Variants in HMCN1 observed in about 807,000 individuals in gnomAD.
HMCN1 encodes the protein hemicentin-1.
In HMCN1, 321 loss-of-function variants were observed where a neutral mutation model predicts 625.9. The ratio of observed to expected loss-of-function variants is 0.51; its 90% confidence interval spans 0.47 to 0.56. HMCN1 has a LOEUF of 0.56. Among genes scored for constraint, HMCN1 ranks in the 20% least tolerant of loss-of-function variants. HMCN1 has a pLI of 0.00. For missense variants in HMCN1, 6,588 were observed against 6,887.3 expected (o/e 0.96, Z 1.54); for synonymous variants, 2,425 against 2,417.6 (o/e 1.00, Z -0.09).
At chr1:185,744,209 T>G (rs1654226378) in intron 1 of HMCN1, among the ~76,000 whole-genome samples, 1 of 151,846 alleles carries the variant, frequency 6.6e-6, no homozygotes, top group African/African-American at 2.4e-5. Context: ...TTCGCCAGGA[T>G]GGTCTCAATC....
At chr1:185,852,947 T>C (rs1662251953) in intron 2 of HMCN1, among the ~76,000 whole-genome samples, 1 of 152,092 alleles carries the variant, frequency 6.6e-6, no homozygotes, top group Non-Finnish European at 1.5e-5. Context: ...AGCTTTTTGA[T>C]ATTAGGTAAC....
Position 185,993,316 on chromosome 1 carries a change from CT to C in HMCN1, c.3505+9del. ...GTCAAATTAAATGTCCATGGTGAGT[CT>C]TGAAATGAGAACATATGACAACCCT... On this transcript the variant is annotated splice_region_variant and intron_variant, in intron 23 of 106. Coordinates refer to ENST00000271588, the MANE Select transcript of HMCN1 (RefSeq NM_031935.3). 6.2e-7 allele frequency: 1 copy of C among 1,612,226 alleles called. No homozygotes were observed. The highest frequency in any genetic ancestry group is 8.5e-7 in the Non-Finnish European group (1 of 1,178,678).
At chr1:185,967,036 C>T (rs898933536) in intron 14 of HMCN1, among the ~76,000 whole-genome samples, 3 of 152,034 alleles carry the variant, frequency 2.0e-5, no homozygotes, top group Admixed American at 6.6e-5. Flanking sequence ...ACTAATTTTA[C>T]TTTCTTAAAA....
At chr1:185,783,166 G>A (rs552570963) in intron 1 of HMCN1, among the ~76,000 whole-genome samples, 4 of 152,076 alleles carry the variant, frequency 2.6e-5, no homozygotes, top group Non-Finnish European at 4.4e-5. Context: ...CATTCGTCAC[G>A]TAGTTCTTGT....
At chr1:185,843,413 T>A (rs1348213394) in intron 1 of HMCN1, among the ~76,000 whole-genome samples, 3 of 152,164 alleles carry the variant, frequency 2.0e-5, no homozygotes, top group Non-Finnish European at 2.9e-5. Flanking sequence ...TGGATTACCT[T>A]TGAGAGTTCC....
At chr1:186,178,836 T>C (rs1270528777) in intron 104 of HMCN1, 70 bp downstream of exon 104, 1 of 1,043,402 alleles carries the variant, frequency 9.6e-7, no homozygotes. Context: ...GTACAGCACC[T>C]GTGATTGTTT....
intron 87 of HMCN1, 102 bp from the exon 88 acceptor site, chr1:186,137,394 CAA>C (rs1233536363): frequency 7.8e-7 from 1 of 1,283,136 alleles, no homozygotes; most frequent in Non-Finnish European, 1.1e-6. Context: ...TATTTCTCAG[CAA>C]CTATATATTT....
intron 11 of HMCN1, among the ~76,000 whole-genome samples, chr1:185,940,629 G>A (rs574305257): frequency 6.6e-6 from 1 of 152,164 alleles, no homozygotes. Flanking sequence ...TCATGATTGG[G>A]GCAGAACTTA....
chr1:186,026,718 G>A (rs1253369876), intron 36 of HMCN1, among the ~76,000 whole-genome samples: 5 of 151,834 alleles, frequency 3.3e-5, no homozygotes, highest in Admixed American at 2.0e-4. Flanking sequence ...ATTACAGCCC[G>A]GATCTCCCTA....
intron 9 of HMCN1, among the ~76,000 whole-genome samples, chr1:185,927,885 T>G (rs1667355315): frequency 6.6e-6 from 1 of 152,150 alleles, no homozygotes; most frequent in Admixed American, 6.6e-5. Context: ...ACTAAGATAC[T>G]TCCGGAAAAT....
At chr1:185,858,590 T>G (rs1182767452) in intron 2 of HMCN1, among the ~76,000 whole-genome samples, 1 of 41,308 alleles carries the variant, frequency 2.4e-5, no homozygotes, top group African/African-American at 1.2e-4. Flanking sequence ...CAGCTAATTT[T>G]TTTTTTTTTT....
At chr1:186,084,185 G>T (rs1412914993) in intron 57 of HMCN1, among the ~76,000 whole-genome samples, 1 of 152,062 alleles carries the variant, frequency 6.6e-6, no homozygotes, top group Non-Finnish European at 1.5e-5. Flanking sequence ...TTTATTGTAA[G>T]TGCTCTAGAC....
chr1:186,087,917 A>G lies in HMCN1; in HGVS notation c.9364-15A>G. On this transcript the variant is annotated splice_polypyrimidine_tract_variant and intron_variant, in intron 60 of 106. Coordinates refer to ENST00000271588, the MANE Select transcript of HMCN1 (RefSeq NM_031935.3). ...AACTTAATGGAGCACATACAATAGT[A>G]TCTTTTTCTTTTAGGTATCTGACAC... The G allele has an allele frequency of 6.2e-7, 1 of 1,600,926 alleles. No homozygotes were observed. Among genetic ancestry groups the G allele is most frequent in the Non-Finnish European group, 8.6e-7 (1 of 1,168,352 alleles).
At chr1:186,015,462 T>C in intron 31 of HMCN1, 25 bp downstream of exon 31, 1 of 1,604,798 alleles carries the variant, frequency 6.2e-7, no homozygotes, top group Non-Finnish European at 8.5e-7. Flanking sequence ...ATGCTTTAAT[T>C]ATATACCTTT....
Position 185,918,694 on chromosome 1 carries a change from C to T in HMCN1, c.901-3685C>T, listed in dbSNP as rs74134209. Among the ~76,000 whole-genome samples the T allele has an allele frequency of 7.7e-3, 1,166 of 152,302 alleles. 9 individuals are homozygous for T. The highest frequency in any genetic ancestry group is 0.025 in the African/African-American group (1,049 of 41,564). On this transcript the variant is annotated intron_variant, in intron 6 of 106. Coordinates refer to ENST00000271588, the MANE Select transcript of HMCN1 (RefSeq NM_031935.3). ...TGTATTCCTGACTCAGACCCCTTCA[C>T]AACTTAATGAACGTGATACTACTCA...
At position 186,119,226 on chromosome 1, in the gene HMCN1, G is replaced by T. The variant is rs371395993; in HGVS notation, c.11884G>T (p.Ala3962Ser). Reference protein sequence around the residue: ...IEILATQLNHAGRYTCVARNA... With the variant: ...IEILATQLNHSGRYTCVARNA... ...AATACTTGCCACCCAATTAAACCAT[G>T]CTGGAAGATACACTTGTGTCGCTAG... The change falls in exon 78 of 107, where the codon GCT (alanine) becomes TCT (serine). Residue 3962 changes from alanine to serine, a missense_variant. By Grantham distance (99) the Ala-to-Ser change is moderately conservative (BLOSUM62 1). This residue lies in a region of HMCN1 where 4,628 missense variants were observed against 4,853.1 expected (regional missense o/e 0.95). Transcript: ENST00000271588. 4 of 1,613,884 alleles carry T rather than the reference G, an allele frequency of 2.5e-6. No homozygotes were observed. Among genetic ancestry groups the T allele is most frequent in the Non-Finnish European group, 3.4e-6 (4 of 1,179,868 alleles).
intron 95 of HMCN1, 75 bp from the exon 96 acceptor site, chr1:186,152,675 T>A (rs929286920): frequency 8.2e-6 from 13 of 1,578,710 alleles, no homozygotes; most frequent in Non-Finnish European, 9.6e-6. Flanking sequence ...TGAACTGGTA[T>A]GTAAGGTAAA....
At chr1:185,843,249 A>C (rs550183315) in intron 1 of HMCN1, among the ~76,000 whole-genome samples, 1 of 152,348 alleles carries the variant, frequency 6.6e-6, no homozygotes, top group Non-Finnish European at 1.5e-5. Context: ...ACAGTAAAGC[A>C]AATTAGAGAA....
chr1:185,759,502 C>T (rs1655347986), intron 1 of HMCN1, among the ~76,000 whole-genome samples: 1 of 152,166 alleles, frequency 6.6e-6, no homozygotes, highest in African/African-American at 2.4e-5. Flanking sequence ...GAGCAGCTAT[C>T]CTTCAAGGTC....
Sources: gnomAD v4.1 joint callset for allele counts (sites outside exome capture counted in the v4.1 genomes callset) on GRCh38, gnomAD v4.1.1 for gene constraint, gnomAD v4.1.1 regional missense constraint, MANE v1.5 for transcripts, NCBI Gene and HGNC (gene_info 2026-07-23, HGNC 2026-07-21) for gene names.